Variants in GFPT2 observed in about 807,000 individuals in gnomAD.
GFPT2 encodes glutamine--fructose-6-phosphate transaminase 2.
GFPT2 carries 62 observed loss-of-function variants against 85.6 expected under a neutral mutation model. The observed-to-expected ratio is 0.72, with a 90% CI of 0.59 to 0.90. GFPT2 has a LOEUF of 0.90. Ranked by LOEUF, GFPT2 falls within the 40% of genes least tolerant of loss-of-function variation. The probability of loss-of-function intolerance (pLI) is 0.00; values close to 1 mark genes in which losing one functional copy is unlikely to be tolerated. For synonymous variants in GFPT2, 368 were observed against 344.5 expected, an observed-to-expected ratio of 1.07 and a Z score of -0.75; for missense variants, 788 against 893.4, an observed-to-expected ratio of 0.88 and a Z score of 1.50.
intron 14 of GFPT2, among the ~76,000 whole-genome samples, 161 bp downstream of exon 14, chr5:180,313,646 T>A (rs115331239): frequency 1.3e-5 from 2 of 150,236 alleles, no homozygotes; most frequent in Non-Finnish European, 3.0e-5. Context: ...GATACGGGAA[T>A]CCAAGAGGGG....
At chr5:180,312,274 G>A (rs1200147979) in intron 15 of GFPT2, among the ~76,000 whole-genome samples, 156 bp downstream of exon 15, 1 of 152,160 alleles carries the variant, frequency 6.6e-6, no homozygotes, top group African/African-American at 2.4e-5. Context: ...GATGAGGTCA[G>A]AGGCAGCAAG....
intron 10 of GFPT2, among the ~76,000 whole-genome samples, chr5:180,317,595 T>C (rs1198642242): frequency 6.8e-6 from 1 of 147,408 alleles, no homozygotes; most frequent in Non-Finnish European, 1.5e-5. Flanking sequence ...CCGTCTCTAC[T>C]AAAAATACAA....
chr5:180,324,120 G>A lies in GFPT2; in HGVS notation c.794+68C>T, dbSNP rs1277739154. 23 of 869,616 alleles carry A rather than the reference G, an allele frequency of 2.6e-5. 1 individual carries two copies. The East Asian group carries it at 4.7e-4, about 18-fold the overall frequency. 53.9% of individuals were successfully genotyped at this position (869,616 alleles called of 1,614,324 possible). On this transcript the variant is annotated intron_variant, in intron 9 of 18. Transcript: ENST00000253778. ...TCACATGGAAGGATGAATAAGAACC[G>A]GCAGTGTTTAGACAGGCATTCTTTG...
At chr5:180,325,012 C>T in intron 7 of GFPT2, 117 bp from the exon 8 acceptor site, 1 of 734,102 alleles carries the variant, frequency 1.4e-6, no homozygotes, top group Non-Finnish European at 2.4e-6. Flanking sequence ...GTGGAGGATC[C>T]TGTTTAGGTC....
intron 13 of GFPT2, among the ~76,000 whole-genome samples, chr5:180,314,690 A>G: frequency 6.6e-6 from 1 of 152,148 alleles, no homozygotes; most frequent in African/African-American, 2.4e-5. Flanking sequence ...AGGTGGCCCA[A>G]TTCTCCTCTG....
At chr5:180,322,724 A>G (rs939410468) in intron 9 of GFPT2, among the ~76,000 whole-genome samples, 7 of 151,794 alleles carry the variant, frequency 4.6e-5, no homozygotes, top group Non-Finnish European at 8.8e-5. Flanking sequence ...TCAGGCATTC[A>G]TGCCTTTTTT....
chr5:180,318,766 C>T lies in GFPT2; in HGVS notation c.958+27G>A, dbSNP rs115571955. 6.1e-4 allele frequency: 979 copies of T among 1,603,024 alleles called. 5 individuals carry two copies. The African/African-American group carries it at 9.3e-3, about 15-fold the overall frequency. On this transcript the variant is annotated intron_variant, in intron 10 of 18. Coordinates refer to ENST00000253778, the MANE Select transcript of GFPT2 (RefSeq NM_005110.4). This position sits in a 1 kb window ranked among gnomAD's most constrained non-coding sequence, Gnocchi z 4.2. ...CAGGCGCGCTGGCTCCCGAGGCTGCCGCACGTGGACTCTGGAGGACACCTG... is the reference window on the plus strand; with the variant it reads ...CAGGCGCGCTGGCTCCCGAGGCTGCTGCACGTGGACTCTGGAGGACACCTG...
rs569722654 is a variant in GFPT2 at position 180,330,191 on chromosome 5, C to T, written c.534+509G>A. 2.7e-3 allele frequency among the ~76,000 whole-genome samples: 409 copies of T among 152,182 alleles called. 1 individual carries two copies. Among genetic ancestry groups the T allele is most frequent in the African/African-American group, 6.7e-3 (280 of 41,536 alleles). On this transcript the variant is annotated intron_variant, in intron 6 of 18. Transcript: ENST00000253778. This position sits in a 1 kb window ranked among gnomAD's most constrained non-coding sequence, Gnocchi z 4.4. ...CAAAAATTAGCCAGGTGTGGTGGTG[C>T]GTGCCTGTAGTCTCAGCTAACTCAG...
At chr5:180,338,155 T>C (rs1352159845) in intron 2 of GFPT2, among the ~76,000 whole-genome samples, 6 of 152,118 alleles carry the variant, frequency 3.9e-5, no homozygotes, top group African/African-American at 1.4e-4. Flanking sequence ...CAAATTTTTA[T>C]GTGCAAAATA....
intron 1 of GFPT2, chr5:180,352,477 C>T (rs1326233188): frequency 2.2e-6 from 1 of 452,146 alleles, no homozygotes; most frequent in East Asian, 7.1e-5. Context: ...GCCGCCCTCC[C>T]CACGGTCCCG....
At chr5:180,349,488 AAAG>A (rs1764669379) in intron 1 of GFPT2, among the ~76,000 whole-genome samples, 1 of 152,190 alleles carries the variant, frequency 6.6e-6, no homozygotes, top group East Asian at 1.9e-4. Context: ...AAAGTTATAA[AAAG>A]AAGGTTTTTC....
chr5:180,353,047 C>G (rs867442973), intron 1 of GFPT2, 164 bp downstream of exon 1: 7 of 489,694 alleles, frequency 1.4e-5, no homozygotes, highest in Non-Finnish European at 2.2e-5. Context: ...GGGTGAGGGG[C>G]AGCCAGGCCC....
chr5:180,325,726 T>C (rs1764200260), intron 7 of GFPT2, among the ~76,000 whole-genome samples: 1 of 152,228 alleles, frequency 6.6e-6, no homozygotes, highest in Admixed American at 6.5e-5. Flanking sequence ...GTGGACGTGA[T>C]GAAGATCTCA....
intron 14 of GFPT2, among the ~76,000 whole-genome samples, chr5:180,313,579 G>A (rs1027824114): frequency 1.1e-4 from 17 of 150,946 alleles, no homozygotes; most frequent in Non-Finnish European, 1.6e-4. Flanking sequence ...GACAGAGTGA[G>A]ACTCCGTCTC....
intron 4 of GFPT2, among the ~76,000 whole-genome samples, chr5:180,333,391 T>C (rs536798614): frequency 2.0e-5 from 3 of 152,244 alleles, no homozygotes; most frequent in Admixed American, 6.5e-5. Flanking sequence ...CCCGCCACCA[T>C]GCCTGGCTAA....
At chr5:180,308,652 T>A (rs987564486) in intron 15 of GFPT2, among the ~76,000 whole-genome samples, 1 of 152,212 alleles carries the variant, frequency 6.6e-6, no homozygotes, top group African/African-American at 2.4e-5. Flanking sequence ...TAGGTGCCAA[T>A]ATAGAATCTG....
chr5:180,341,955 T>C (rs938576760), intron 1 of GFPT2, among the ~76,000 whole-genome samples: 1 of 152,192 alleles, frequency 6.6e-6, no homozygotes, highest in Non-Finnish European at 1.5e-5. Context: ...CCAAATCTCA[T>C]CTTGAATTGC....
At position 180,337,603 on chromosome 5, in the gene GFPT2, G is replaced by A. The variant is rs1211095038; in HGVS notation, c.115+890C>T. 3.9e-5 allele frequency among the ~76,000 whole-genome samples: 6 copies of A among 152,200 alleles called. No homozygotes were observed. In the East Asian group the frequency reaches 9.6e-4, roughly 24 times the overall value. The stretch of plus-strand genomic sequence containing the variant: ...ACCTCCACCACAGACCACCCCCACA[G>A]ACAACAGCGACCGGAGAAGGGTCCC... On this transcript the variant is annotated intron_variant, in intron 2 of 18. Coordinates refer to ENST00000253778, the MANE Select transcript of GFPT2 (RefSeq NM_005110.4).
In GFPT2 at chr5:180,338,562, T is replaced by A; in HGVS notation, c.46A>T (p.Arg16Trp). The A allele has an allele frequency of 1.2e-6, 2 of 1,611,908 alleles. No individual in the cohort carries two copies. Among genetic ancestry groups the A allele is most frequent in the Non-Finnish European group, 8.5e-7 (1 of 1,177,976 alleles). Reference protein sequence around the residue: ...AYMNYRVPRTRKEIFETLIKG... With the variant: ...AYMNYRVPRTWKEIFETLIKG... The stretch of plus-strand genomic sequence containing the variant: ...ATGAGGGTTTCGAAGATCTCCTTCC[T>A]CGTCCGGGGGACTCTGTAGTTCATG... The change falls in exon 2 of 19, where the codon AGG (arginine) becomes TGG (tryptophan). Residue 16 changes from arginine (R) to tryptophan (W), a missense_variant. Physicochemically the swap from Arg to Trp is moderately radical, Grantham distance 101. Transcript: ENST00000253778.
Sources: allele counts gnomAD v4.1 joint callset (sites outside exome capture counted in the v4.1 genomes callset), GRCh38; gene constraint gnomAD v4.1.1; non-coding constraint Gnocchi (gnomAD v3.1); transcripts MANE v1.5; gene names NCBI Gene and HGNC (gene_info 2026-07-23, HGNC 2026-07-21).